ABCA13: variants seen among roughly 807,000 people sequenced by gnomAD.
The protein encoded by ABCA13 is ATP-binding cassette sub-family A member 13.
A neutral mutation model predicts 478.7 loss-of-function variants in ABCA13; 476 were observed. The observed-to-expected ratio is 0.99, with a 90% CI of 0.92 to 1.07. The LOEUF is 1.07. Ranked by LOEUF, ABCA13 falls within the 50% of genes least tolerant of loss-of-function variation. The probability of loss-of-function intolerance (pLI) is 0.00; values close to 1 mark genes in which losing one functional copy is unlikely to be tolerated. For synonymous variants in ABCA13, 2,252 were observed against 2,158.9 expected, an observed-to-expected ratio of 1.04 and a Z score of -1.20; for missense variants, 6,060 against 5,910.6, an observed-to-expected ratio of 1.03 and a Z score of -0.83.
chr7:48,545,941 G>A (rs1355368942), intron 55 of ABCA13, among the ~76,000 whole-genome samples: 1 of 151,708 alleles, frequency 6.6e-6, no homozygotes, highest in Non-Finnish European at 1.5e-5. Flanking sequence ...TGGGAGAGAG[G>A]CACCATTTGA....
At chr7:48,387,778 T>A in intron 35 of ABCA13, 44 bp from the exon 36 acceptor site, 1 of 1,440,494 alleles carries the variant, frequency 6.9e-7, no homozygotes, top group Non-Finnish European at 9.3e-7. Flanking sequence ...AGTACCTTCA[T>A]CTAAATAAAA....
chr7:48,589,642 TC>T (rs1473875390), intron 57 of ABCA13, among the ~76,000 whole-genome samples: 1 of 152,188 alleles, frequency 6.6e-6, no homozygotes, highest in African/African-American at 2.4e-5. Flanking sequence ...ACAGTCCCTC[TC>T]TTAGTTCACT....
intron 32 of ABCA13, among the ~76,000 whole-genome samples, chr7:48,371,293 A>T (rs1351126968): frequency 1.3e-5 from 2 of 152,130 alleles, no homozygotes; most frequent in East Asian, 3.9e-4. Context: ...TGAATTTTAA[A>T]GTAGATTTAT....
At chr7:48,530,750 A>T (rs1376094958) in intron 55 of ABCA13, among the ~76,000 whole-genome samples, 1 of 151,988 alleles carries the variant, frequency 6.6e-6, no homozygotes, top group Non-Finnish European at 1.5e-5. Context: ...GATGTTGAGC[A>T]TTTTTTCATA....
chr7:48,495,330 C>A (rs1390731639), intron 48 of ABCA13, among the ~76,000 whole-genome samples: 1 of 152,024 alleles, frequency 6.6e-6, no homozygotes, highest in Non-Finnish European at 1.5e-5. Context: ...TGTTTAAATT[C>A]TAAGTTTTTG....
At chr7:48,640,512 C>T (rs887140074) in intron 59 of ABCA13, among the ~76,000 whole-genome samples, 2 of 152,156 alleles carry the variant, frequency 1.3e-5, no homozygotes, top group East Asian at 3.9e-4. Context: ...CTTGTAAGCA[C>T]CTTTACCTAC....
chr7:48,295,898 A>T (rs777727704), intron 21 of ABCA13, 35 bp downstream of exon 21: 1 of 1,563,312 alleles, frequency 6.4e-7, no homozygotes, highest in South Asian at 1.2e-5. Flanking sequence ...CCTCCCCAGT[A>T]CTTCCATTCA....
At chr7:48,189,211 AC>A (rs1185268110) in intron 1 of ABCA13, among the ~76,000 whole-genome samples, 2 of 152,180 alleles carry the variant, frequency 1.3e-5, no homozygotes, top group Non-Finnish European at 2.9e-5. Flanking sequence ...CATTAATCAG[AC>A]AGCATTCCTA....
chr7:48,259,782 T>C (rs1793928416), intron 15 of ABCA13, among the ~76,000 whole-genome samples: 1 of 152,012 alleles, frequency 6.6e-6, no homozygotes, highest in Admixed American at 6.6e-5. Flanking sequence ...CCCTTAAGTA[T>C]TTCTTTTGAG....
intron 28 of ABCA13, among the ~76,000 whole-genome samples, chr7:48,337,757 T>A (rs539394093): frequency 5.4e-4 from 82 of 152,270 alleles, no homozygotes; most frequent in African/African-American, 1.9e-3. Flanking sequence ...TGGATATCAA[T>A]GGCAAAATAA....
chr7:48,471,178 G>A lies in ABCA13; in HGVS notation c.12906-352G>A, dbSNP rs114608134. Among the ~76,000 whole-genome samples the A allele has an allele frequency of 4.9e-3, 747 of 152,274 alleles. 4 individuals carry two copies. The highest frequency in any genetic ancestry group is 0.017 in the African/African-American group (714 of 41,544). Reference sequence around the variant, plus strand: ...TGTCATGCCACAAAAAGGAATTGACGTCTTGCTGTTTATTAATTGCTTCTT... The same window carrying A: ...TGTCATGCCACAAAAAGGAATTGACATCTTGCTGTTTATTAATTGCTTCTT... On this transcript the variant is annotated intron_variant, in intron 44 of 61. Transcript: ENST00000435803.
At chr7:48,270,133 A>G (rs927371345) in intron 16 of ABCA13, among the ~76,000 whole-genome samples, 1 of 152,210 alleles carries the variant, frequency 6.6e-6, no homozygotes, top group African/African-American at 2.4e-5. Flanking sequence ...GATTTAATGA[A>G]TGAAAAATCA....
intron 57 of ABCA13, among the ~76,000 whole-genome samples, chr7:48,590,884 G>C (rs1189012577): frequency 6.6e-6 from 1 of 151,884 alleles, no homozygotes; most frequent in African/African-American, 2.4e-5. Flanking sequence ...CCCCTTATTG[G>C]ATATATGGTT....
intron 55 of ABCA13, among the ~76,000 whole-genome samples, chr7:48,570,915 T>A (rs1787582750): frequency 6.6e-6 from 1 of 152,126 alleles, no homozygotes; most frequent in African/African-American, 2.4e-5. Context: ...GCTAAATAAG[T>A]ATTTTCTAAC....
chr7:48,284,152 G>A lies in ABCA13; in HGVS notation c.8836+2700G>A, dbSNP rs537689931. On this transcript the variant is annotated intron_variant, in intron 19 of 61. Transcript: ENST00000435803. ...TTAGGGACTGTCTATCACAGGGTTA[G>A]TTCTAATCTGCTCACTCATCCCTTT... Among the ~76,000 whole-genome samples the A allele has an allele frequency of 2.0e-3, 305 of 152,310 alleles. 5 individuals are homozygous for A. In the South Asian group the frequency reaches 0.022, roughly 11 times the overall value.
At chr7:48,212,944 T>C (rs1430286161) in intron 3 of ABCA13, among the ~76,000 whole-genome samples, 1 of 152,136 alleles carries the variant, frequency 6.6e-6, no homozygotes, top group African/African-American at 2.4e-5. Context: ...ATCACTTTTT[T>C]CTATTTTGAG....
chr7:48,391,822 C>G, intron 37 of ABCA13, 99 bp from the exon 38 acceptor site: 2 of 1,170,050 alleles, frequency 1.7e-6, no homozygotes, highest in South Asian at 2.8e-5. Context: ...GGTGAGTGCT[C>G]TTGGCAGGAT....
intron 19 of ABCA13, among the ~76,000 whole-genome samples, chr7:48,285,039 T>TA (rs879777550): frequency 3.9e-5 from 6 of 152,184 alleles, no homozygotes; most frequent in Non-Finnish European, 8.8e-5. Flanking sequence ...TCTAGTGCTT[T>TA]AAAGATGCCA....
chr7:48,603,170 T>G (rs966800688), intron 58 of ABCA13, among the ~76,000 whole-genome samples: 25 of 152,190 alleles, frequency 1.6e-4, no homozygotes, highest in African/African-American at 5.8e-4. Context: ...TCATGTCAAC[T>G]GCAAGCAGAG....
Sources: gnomAD v4.1 joint callset for allele counts (sites outside exome capture counted in the v4.1 genomes callset) on GRCh38, gnomAD v4.1.1 for gene constraint, MANE v1.5 for transcripts, NCBI Gene and HGNC (gene_info 2026-07-23, HGNC 2026-07-21) for gene names.